SUMF1: variants seen among roughly 807,000 people sequenced by gnomAD.
SUMF1 encodes formylglycine-generating enzyme.
SUMF1 carries 48 observed loss-of-function variants against 47.6 expected under a neutral mutation model. The ratio of observed to expected loss-of-function variants is 1.01; its 90% CI spans 0.80 to 1.28. The LOEUF is 1.28. Among genes scored for constraint, SUMF1 ranks in the 50% most tolerant of loss-of-function variants. The pLI, the probability that SUMF1 is intolerant of heterozygous loss-of-function variation, is 0.00. For synonymous variants in SUMF1, 230 were observed against 192.1 expected (o/e 1.20, Z -1.63); for missense variants, 571 against 485.4 (o/e 1.18, Z -1.66).
At chr3:4,298,033 T>C (rs931285918) in intron 8 of SUMF1, among the ~76,000 whole-genome samples, 5 of 152,248 alleles carry the variant, frequency 3.3e-5, no homozygotes, top group Non-Finnish European at 4.4e-5. Context: ...TTATATTGTA[T>C]TGTTTTCTTT....
chr3:4,372,761 C>A (rs1012928874), intron 8 of SUMF1, among the ~76,000 whole-genome samples: 9 of 152,310 alleles, frequency 5.9e-5, no homozygotes, highest in Admixed American at 2.0e-4. Context: ...GAACTCCAAT[C>A]CAGATGTAAT....
intron 8 of SUMF1, among the ~76,000 whole-genome samples, chr3:4,097,991 C>T (rs1179928984): frequency 1.3e-5 from 2 of 152,124 alleles, no homozygotes; most frequent in African/African-American, 2.4e-5. Context: ...GAAACAATGG[C>T]CATGATTTTT....
chr3:4,137,504 G>A (rs758817803), intron 8 of SUMF1, among the ~76,000 whole-genome samples: 2 of 152,120 alleles, frequency 1.3e-5, no homozygotes, highest in Non-Finnish European at 2.9e-5. Flanking sequence ...GAGAGCATTA[G>A]GAGATATACC....
At chr3:4,440,004 C>A (rs577396929) in intron 3 of SUMF1, among the ~76,000 whole-genome samples, 2 of 152,014 alleles carry the variant, frequency 1.3e-5, no homozygotes, top group African/African-American at 2.4e-5. Flanking sequence ...GAGGCCGAGG[C>A]GGGTGGATCA....
chr3:4,366,550 T>A (rs1197554816), intron 8 of SUMF1, among the ~76,000 whole-genome samples: 1 of 150,124 alleles, frequency 6.7e-6, no homozygotes, highest in Non-Finnish European at 1.5e-5. Flanking sequence ...TTCTCGAGCC[T>A]TGGCTTTCAG....
intron 7 of SUMF1, 109 bp downstream of exon 7, chr3:4,410,756 T>G: frequency 1.0e-6 from 1 of 968,116 alleles, no homozygotes; most frequent in South Asian, 1.3e-5. Flanking sequence ...CCAAGATTAA[T>G]TTCCAGAGTA....
intron 8 of SUMF1, among the ~76,000 whole-genome samples, chr3:4,275,664 CA>C (rs1220820265): frequency 4.6e-5 from 7 of 152,150 alleles, no homozygotes; most frequent in African/African-American, 1.7e-4. Context: ...CAACTTCTCC[CA>C]AAGTACTTAG....
At chr3:4,302,777 G>A (rs1698002188) in intron 8 of SUMF1, among the ~76,000 whole-genome samples, 2 of 152,152 alleles carry the variant, frequency 1.3e-5, no homozygotes, top group African/African-American at 2.4e-5. Flanking sequence ...GCAGTCTTGA[G>A]GCTATCAGAA....
intron 8 of SUMF1, among the ~76,000 whole-genome samples, chr3:4,249,402 C>G (rs891996814): frequency 2.6e-5 from 4 of 151,918 alleles, no homozygotes; most frequent in Non-Finnish European, 4.4e-5. Flanking sequence ...CACTTCATGT[C>G]TCTGTGTCAC....
intron 9 of SUMF1, among the ~76,000 whole-genome samples, chr3:4,064,485 G>T (rs1316872302): frequency 6.6e-6 from 1 of 152,084 alleles, no homozygotes; most frequent in African/African-American, 2.4e-5. Context: ...ATATAATCAA[G>T]AAATAACTAT....
intron 8 of SUMF1, among the ~76,000 whole-genome samples, chr3:4,218,844 G>A (rs1574990070): frequency 6.6e-6 from 1 of 152,146 alleles, no homozygotes; most frequent in East Asian, 1.9e-4. Context: ...AATTACACAA[G>A]CTGTTTATTC....
intron 8 of SUMF1, among the ~76,000 whole-genome samples, chr3:4,195,234 T>G (rs531981793): frequency 1.3e-5 from 2 of 152,294 alleles, no homozygotes; most frequent in East Asian, 3.9e-4. Flanking sequence ...CAAGAAACTG[T>G]GTCTAATGAC....
At chr3:4,339,803 A>C (rs1699231585) in intron 8 of SUMF1, among the ~76,000 whole-genome samples, 1 of 152,158 alleles carries the variant, frequency 6.6e-6, no homozygotes, top group African/African-American at 2.4e-5. Context: ...TGGGCCAGGC[A>C]TGGTGGCTCA....
At chr3:4,206,161 C>A (rs11129933) in intron 8 of SUMF1, among the ~76,000 whole-genome samples, 50,269 of 150,718 alleles carry the variant, frequency 0.33, 9,012 homozygotes, top group Non-Finnish European at 0.42. Flanking sequence ...TCTTTCCTCT[C>A]ACCTCTCCTT....
intron 7 of SUMF1, among the ~76,000 whole-genome samples, chr3:4,388,712 C>A (rs746359113): frequency 2.0e-5 from 3 of 151,850 alleles, no homozygotes; most frequent in African/African-American, 7.3e-5. Flanking sequence ...AACTATTGTG[C>A]TTTTGAGCAT....
At chr3:4,251,388 T>C (rs1696798897) in intron 8 of SUMF1, among the ~76,000 whole-genome samples, 1 of 152,250 alleles carries the variant, frequency 6.6e-6, no homozygotes, top group African/African-American at 2.4e-5. Context: ...CTGGTGAAGA[T>C]GCTGTCAACA....
In SUMF1 at chr3:4,093,844, C is replaced by G. The variant is rs527535388; in HGVS notation, c.1015-25099G>C. Among the ~76,000 whole-genome samples the G allele has an allele frequency of 3.4e-4, 51 of 152,054 alleles. 1 individual carries two copies. The highest frequency in any genetic ancestry group is 5.6e-4 in the Non-Finnish European group (38 of 68,012). On this transcript the variant is annotated intron_variant and NMD_transcript_variant, in intron 8 of 12. Transcript: ENST00000448413. ...TAATGAAGGGCCTTAAATGCCAACT[C>G]AAGGAGTTTGAATTTCAGCCTATGG...
At chr3:4,448,460 G>T (rs549012984) in intron 3 of SUMF1, among the ~76,000 whole-genome samples, 1 of 152,068 alleles carries the variant, frequency 6.6e-6, no homozygotes, top group East Asian at 1.9e-4. Flanking sequence ...GCAGACCCCC[G>T]TTTCCTTCCC....
At chr3:4,151,554 T>TAC (rs781615061) in intron 8 of SUMF1, among the ~76,000 whole-genome samples, 3,322 of 98,138 alleles carry the variant, frequency 0.034, 74 homozygotes, top group Non-Finnish European at 0.047. Flanking sequence ...TGTGTGTGTA[T>TAC]ATACACACAC....
Sources: gnomAD v4.1 joint callset for allele counts (sites outside exome capture counted in the v4.1 genomes callset) on GRCh38, gnomAD v4.1.1 for gene constraint, MANE v1.5 for transcripts, NCBI Gene and HGNC (gene_info 2026-07-23, HGNC 2026-07-21) for gene names.